Variants in ZNHIT6 observed in about 807,000 individuals in gnomAD.
ZNHIT6 encodes the protein zinc finger HIT-type containing 6, also known as box C/D snoRNA protein 1.
A neutral mutation model predicts 57.2 loss-of-function variants in ZNHIT6; 45 were observed. That is an observed-to-expected ratio of 0.79 (90% CI 0.62 to 1.01). ZNHIT6 has a LOEUF of 1.01. Ranked by LOEUF, ZNHIT6 falls within the 50% of genes least tolerant of loss-of-function variation. The pLI, the probability that ZNHIT6 is intolerant of heterozygous loss-of-function variation, is 0.00. For synonymous variants in ZNHIT6, 188 were observed against 190.0 expected (o/e 0.99, Z 0.09); for missense variants, 528 against 567.3 (o/e 0.93, Z 0.70).
At position 85,657,990 on chromosome 1, in the gene ZNHIT6, CA is replaced by C; in HGVS notation, c.1248-20del. 1 of 1,376,494 alleles carries C rather than the reference CA, an allele frequency of 7.3e-7. No homozygotes were observed. Among genetic ancestry groups the C allele is most frequent in the Non-Finnish European group, 9.9e-7 (1 of 1,014,302 alleles). The allele number at this position is 1,376,494 out of a possible 1,614,324, so 85.3% of individuals were successfully genotyped here. A position where few individuals can be genotyped will look rare whatever the true frequency, so the allele number is the denominator to read the frequency against. On this transcript the variant is annotated intron_variant, in intron 8 of 9. Coordinates refer to ENST00000370574, the MANE Select transcript of ZNHIT6 (RefSeq NM_017953.4). The stretch of plus-strand genomic sequence containing the variant: ...ATAATATCTTATTAATAAAAAAAAA[CA>C]AAAAACCAGGAAACACTCTTAATAT...
chr1:85,706,924 T>G (rs58296042), intron 1 of ZNHIT6, among the ~76,000 whole-genome samples: 2,068 of 152,248 alleles, frequency 0.014, 50 homozygotes, highest in African/African-American at 0.048. Context: ...CAAGTGAAAT[T>G]TAGAGAGTAG....
chr1:85,653,199 G>A lies in ZNHIT6; in HGVS notation c.*859C>T, dbSNP rs41289751. ...AATGTGGAGCCACTGATTTTCTGAA[G>A]TGAATATAAGAAACAGTAGTTAATA... On this transcript the variant is annotated 3_prime_UTR_variant, in exon 10 of 10. Transcript: ENST00000370574. 1 of 152,244 alleles carries A rather than the reference G, an allele frequency of 6.6e-6. No homozygotes were observed. The highest frequency in any genetic ancestry group is 1.5e-5 in the Non-Finnish European group (1 of 68,022). The allele number at this position is 152,244 out of a possible 1,614,324, so 9.4% of individuals were successfully genotyped here.
chr1:85,657,343 C>T (rs1661087716), intron 9 of ZNHIT6, among the ~76,000 whole-genome samples: 1 of 150,058 alleles, frequency 6.7e-6, no homozygotes, highest in Non-Finnish European at 1.5e-5. Context: ...TTAACTTATT[C>T]TAAATGCTGC....
At chr1:85,705,903 T>C (rs1369356432) in intron 4 of ZNHIT6, among the ~76,000 whole-genome samples, 175 bp downstream of exon 4, 1 of 152,080 alleles carries the variant, frequency 6.6e-6, no homozygotes, top group African/African-American at 2.4e-5. Flanking sequence ...TATCTCCCAC[T>C]AAATACAACT....
intron 4 of ZNHIT6, among the ~76,000 whole-genome samples, chr1:85,703,259 A>G (rs956881170): frequency 6.6e-6 from 1 of 152,182 alleles, no homozygotes; most frequent in African/African-American, 2.4e-5. Flanking sequence ...GGAAAAAAGA[A>G]AAAAAATCCA....
intron 5 of ZNHIT6, among the ~76,000 whole-genome samples, chr1:85,694,587 G>C (rs369355771): frequency 6.6e-5 from 10 of 151,882 alleles, no homozygotes; most frequent in East Asian, 3.9e-4. Context: ...TCAGCCTCCC[G>C]CGTAGCTGGG....
At chr1:85,658,006 A>G (rs570655343) in intron 8 of ZNHIT6, 35 bp from the exon 9 acceptor site, 1 of 1,350,876 alleles carries the variant, frequency 7.4e-7, no homozygotes, top group Admixed American at 2.3e-5. Flanking sequence ...ACCAGGAAAC[A>G]CTCTTAATAT....
chr1:85,696,844 C>A (rs1315146382), intron 5 of ZNHIT6, among the ~76,000 whole-genome samples: 3 of 146,376 alleles, frequency 2.0e-5, no homozygotes, highest in Non-Finnish European at 4.5e-5. Context: ...TTTCTATGAC[C>A]ATCTATTCTT....
At chr1:85,707,220 G>A (rs1266877838) in intron 1 of ZNHIT6, among the ~76,000 whole-genome samples, 1 of 152,184 alleles carries the variant, frequency 6.6e-6, no homozygotes, top group African/African-American at 2.4e-5. Context: ...GATAATTGAG[G>A]TCAAGTGTAT....
At chr1:85,702,047 A>C in intron 5 of ZNHIT6, 110 bp downstream of exon 5, 1 of 673,868 alleles carries the variant, frequency 1.5e-6, no homozygotes, top group Non-Finnish European at 2.5e-6. Flanking sequence ...CCAATAACAA[A>C]CAGTTTACAG....
chr1:85,652,744 A>G lies in ZNHIT6; in HGVS notation c.*1314T>C, dbSNP rs912971549. ...AAAACTTATTCCAACTGTAACTAAA[A>G]ATCAATTTCATTAATGTCCAGTTTT... On this transcript the variant is annotated 3_prime_UTR_variant, in exon 10 of 10. Coordinates refer to ENST00000370574, the MANE Select transcript of ZNHIT6 (RefSeq NM_017953.4). 6 of 152,194 alleles carry G rather than the reference A, an allele frequency of 3.9e-5. No homozygotes were observed. Among genetic ancestry groups the G allele is most frequent in the Non-Finnish European group, 5.9e-5 (4 of 68,030 alleles). 9.4% of individuals were successfully genotyped at this position (152,194 alleles called of 1,614,324 possible). A position where few individuals can be genotyped will look rare whatever the true frequency, so the allele number is the denominator to read the frequency against.
intron 5 of ZNHIT6, among the ~76,000 whole-genome samples, chr1:85,692,798 A>C (rs2100703589): frequency 6.6e-6 from 1 of 152,288 alleles, no homozygotes; most frequent in African/African-American, 2.4e-5. Flanking sequence ...ACTGACATTA[A>C]TACAGGGGTA....
At chr1:85,680,788 CA>C (rs1557854374) in intron 6 of ZNHIT6, 47 bp downstream of exon 6, 2 of 1,396,914 alleles carry the variant, frequency 1.4e-6, no homozygotes, top group East Asian at 2.3e-5. Context: ...TTTAAATACA[CA>C]GCCTTCAAAT....
At chr1:85,655,513 C>T (rs183315157) in intron 9 of ZNHIT6, among the ~76,000 whole-genome samples, 3 of 152,286 alleles carry the variant, frequency 2.0e-5, no homozygotes, top group African/African-American at 7.2e-5. Context: ...GTTTATTTTG[C>T]TGACATTTCT....
chr1:85,687,309 A>AAAAAAAAAAAATTTAAAACC (rs1662089231), intron 5 of ZNHIT6, among the ~76,000 whole-genome samples: 1 of 143,926 alleles, frequency 6.9e-6, no homozygotes, highest in Admixed American at 7.1e-5. Flanking sequence ...CAAAAAAAAA[A>AAAAAAAAAAAATTTAAAACC]AACAATTTAG....
At chr1:85,657,818 A>G (rs1320956777) in intron 9 of ZNHIT6, 29 bp downstream of exon 9, 4 of 1,600,436 alleles carry the variant, frequency 2.5e-6, no homozygotes, top group Non-Finnish European at 3.4e-6. Flanking sequence ...AAGCTATTCT[A>G]AGCATTACAG....
chr1:85,686,597 A>G (rs931391459), intron 5 of ZNHIT6, among the ~76,000 whole-genome samples: 2 of 152,162 alleles, frequency 1.3e-5, no homozygotes, highest in African/African-American at 4.8e-5. Flanking sequence ...ATATACCCAA[A>G]GAACACTAAC....
At chr1:85,693,922 T>G (rs560739340) in intron 5 of ZNHIT6, among the ~76,000 whole-genome samples, 3 of 152,252 alleles carry the variant, frequency 2.0e-5, no homozygotes, top group African/African-American at 7.2e-5. Flanking sequence ...AGTTCAAGAC[T>G]AGCCTGGGCA....
chr1:85,701,559 C>T (rs1662529027), intron 5 of ZNHIT6, among the ~76,000 whole-genome samples: 1 of 152,172 alleles, frequency 6.6e-6, no homozygotes, highest in Non-Finnish European at 1.5e-5. Context: ...AGTTCAAAGT[C>T]CCCTTCTTCT....
Sources: gnomAD v4.1 joint callset for allele counts (sites outside exome capture counted in the v4.1 genomes callset) on GRCh38, gnomAD v4.1.1 for gene constraint, MANE v1.5 for transcripts, NCBI Gene and HGNC (gene_info 2026-07-23, HGNC 2026-07-21) for gene names.